Variants in OR2L13 observed in about 807,000 individuals in gnomAD.
OR2L13 encodes olfactory receptor family 2 subfamily L member 13, also known as olfactory receptor 2L13.
OR2L13 carries 14 observed loss-of-function variants against 15.3 expected under a neutral mutation model. That is an observed-to-expected ratio of 0.91 (90% CI 0.60 to 1.43). OR2L13 has a LOEUF of 1.43. Among genes scored for constraint, OR2L13 ranks in the 40% most tolerant of loss-of-function variants. The pLI, the probability that OR2L13 is intolerant of heterozygous loss-of-function variation, is 0.00. For missense variants in OR2L13, 367 were observed against 387.9 expected (o/e 0.95, Z 0.45); for synonymous variants, 152 against 142.9 (o/e 1.06, Z -0.45).
At chr1:248,035,385 C>G in the OR2L13 span, among the ~76,000 whole-genome samples, 1 of 151,802 alleles carries the variant, frequency 6.6e-6, no homozygotes, top group African/African-American at 2.4e-5. Context: ...GGAGGCGGAG[C>G]TTGCAGTGAG....
chr1:248,038,685 T>G, the OR2L13 span: 1 of 1,614,150 alleles, frequency 6.2e-7, no homozygotes, highest in Non-Finnish European at 8.5e-7. Context: ...CAAAAGAGTG[T>G]GTGTGATGAT....
At chr1:248,022,827 A>T in the OR2L13 span, 81 of 1,530,106 alleles carry the variant, frequency 5.3e-5, no homozygotes, top group Non-Finnish European at 7.1e-5. Context: ...CCTGAGAAAC[A>T]AGGAGGTGAT....
the OR2L13 span, among the ~76,000 whole-genome samples, chr1:248,034,110 A>G: frequency 3.3e-5 from 5 of 152,354 alleles, no homozygotes; most frequent in Admixed American, 1.3e-4. Context: ...CAAGGAGGTG[A>G]GAGAACTCTA....
chr1:248,003,356 A>G, the OR2L13 span: 1 of 1,604,866 alleles, frequency 6.2e-7, no homozygotes. Flanking sequence ...CATCTCCACC[A>G]TTGTTCCTAA....
the OR2L13 span, among the ~76,000 whole-genome samples, chr1:248,078,980 A>G: frequency 6.6e-6 from 1 of 152,122 alleles, no homozygotes; most frequent in African/African-American, 2.4e-5. Flanking sequence ...AGGTTTGGGG[A>G]GAAGATGTGA....
the OR2L13 span, among the ~76,000 whole-genome samples, chr1:248,053,131 G>C: frequency 1.3e-5 from 2 of 152,048 alleles, no homozygotes; most frequent in Non-Finnish European, 2.9e-5. Flanking sequence ...ACAGGCCCCA[G>C]TAAGTGTTGT....
chr1:248,004,631 T>C, the OR2L13 span, among the ~76,000 whole-genome samples: 1 of 152,094 alleles, frequency 6.6e-6, no homozygotes, highest in Non-Finnish European at 1.5e-5. Flanking sequence ...CTATGACAAG[T>C]TTATGTGTTT....
At chr1:248,009,591 G>C in the OR2L13 span, among the ~76,000 whole-genome samples, 420 of 152,184 alleles carry the variant, frequency 2.8e-3, 1 homozygote, top group African/African-American at 9.4e-3. Flanking sequence ...TTCTACCAAA[G>C]GTACAAAGCA....
At chr1:247,959,068 C>T in the OR2L13 span, among the ~76,000 whole-genome samples, 3,722 of 152,276 alleles carry the variant, frequency 0.024, 74 homozygotes, top group East Asian at 0.088. Context: ...CATGATTTTG[C>T]AGTGGCTGGT....
At chr1:248,077,271 G>A in the OR2L13 span, among the ~76,000 whole-genome samples, 2 of 152,100 alleles carry the variant, frequency 1.3e-5, no homozygotes, top group Admixed American at 6.6e-5. Flanking sequence ...TTTTCGTATT[G>A]ATGTTCATCA....
the OR2L13 span, among the ~76,000 whole-genome samples, chr1:248,073,629 TAATAA>T: frequency 8.0e-5 from 12 of 149,606 alleles, no homozygotes; most frequent in Non-Finnish European, 1.8e-4. Context: ...AGTGTAATAA[TAATAA>T]AATAAAAAAG....
At chr1:248,074,953 A>G in the OR2L13 span, among the ~76,000 whole-genome samples, 1 of 152,162 alleles carries the variant, frequency 6.6e-6, no homozygotes, top group Non-Finnish European at 1.5e-5. Context: ...TACATGTGCC[A>G]TGTTGGTTTG....
the OR2L13 span, among the ~76,000 whole-genome samples, chr1:248,086,826 TA>T: frequency 6.6e-6 from 1 of 151,386 alleles, no homozygotes; most frequent in African/African-American, 2.4e-5. Flanking sequence ...ATGTATAAAA[TA>T]TATATCTTTT....
chr1:248,096,285 A>C (rs1186459255), upstream of OR2L13, among the ~76,000 whole-genome samples: 5 of 151,834 alleles, frequency 3.3e-5, no homozygotes, highest in Non-Finnish European at 7.4e-5. Context: ...GGGGAGGCTG[A>C]GGCAGGAGAA....
chr1:248,021,911 T>C, the OR2L13 span: 4 of 1,543,210 alleles, frequency 2.6e-6, no homozygotes, highest in Non-Finnish European at 3.6e-6. Context: ...TGACTTACCC[T>C]TGTGTCTCCC....
At chr1:248,039,348 C>T in the OR2L13 span, 1 of 602,548 alleles carries the variant, frequency 1.7e-6, no homozygotes, top group Non-Finnish European at 2.7e-6. Flanking sequence ...TTAGTCTTGA[C>T]AATATTATAA....
At chr1:248,070,883 G>A in the OR2L13 span, among the ~76,000 whole-genome samples, 1 of 152,186 alleles carries the variant, frequency 6.6e-6, no homozygotes, top group Non-Finnish European at 1.5e-5. Flanking sequence ...TAGAAGAAAT[G>A]GATAAATTCC....
the OR2L13 span, among the ~76,000 whole-genome samples, chr1:248,065,902 A>G: frequency 6.6e-6 from 1 of 152,130 alleles, no homozygotes; most frequent in Non-Finnish European, 1.5e-5. Flanking sequence ...TTCAGCATGC[A>G]GCAAGTTCTA....
At chr1:248,095,903 C>T (rs1228499151), upstream of OR2L13, among the ~76,000 whole-genome samples, 2 of 151,408 alleles carry the variant, frequency 1.3e-5, no homozygotes, top group Non-Finnish European at 1.5e-5. Context: ...CTGCGCCTGG[C>T]CATAAAACTG....
Sources: gnomAD v4.1 joint callset for allele counts (sites outside exome capture counted in the v4.1 genomes callset) on GRCh38, gnomAD v4.1.1 for gene constraint, MANE v1.5 for transcripts, NCBI Gene and HGNC (gene_info 2026-07-23, HGNC 2026-07-21) for gene names.